LARGE1: variants seen among roughly 807,000 people sequenced by gnomAD.
LARGE1 encodes xylosyl- and glucuronyltransferase LARGE1.
In LARGE1, 43 loss-of-function variants were observed where a neutral mutation model predicts 87.6. That is an observed-to-expected ratio of 0.49 (90% CI 0.38 to 0.63). LARGE1 has a LOEUF of 0.63. Among genes scored for constraint, LARGE1 ranks in the 30% least tolerant of loss-of-function variants. The pLI is 0.00. For missense variants in LARGE1, 802 were observed against 1,000.2 expected (o/e 0.80, Z 2.67); for synonymous variants, 434 against 394.6 (o/e 1.10, Z -1.18).
At chr22:33,072,817 GA>G in the LARGE1 span, among the ~76,000 whole-genome samples, 6 of 152,234 alleles carry the variant, frequency 3.9e-5, no homozygotes, top group Middle Eastern at 3.4e-3. Context: ...GGCATAGCCT[GA>G]AGACCTTTTC....
the LARGE1 span, among the ~76,000 whole-genome samples, chr22:33,115,743 G>A: frequency 6.6e-6 from 1 of 151,408 alleles, no homozygotes; most frequent in Non-Finnish European, 1.5e-5. Context: ...GCTTGAACTG[G>A]GAGGCGGCGG....
chr22:33,556,663 G>T (rs941443592), intron 6 of LARGE1, among the ~76,000 whole-genome samples: 1 of 151,454 alleles, frequency 6.6e-6, no homozygotes, highest in Non-Finnish European at 1.5e-5. Context: ...AGAGGTTAGG[G>T]TTGGTTTCTG....
At chr22:33,437,346 G>A (rs1245818126) in intron 6 of LARGE1, among the ~76,000 whole-genome samples, 2 of 152,128 alleles carry the variant, frequency 1.3e-5, no homozygotes. Context: ...AGAGCCAGAC[G>A]CCTGGGCTCA....
At chr22:33,458,129 T>C (rs941067924) in intron 6 of LARGE1, among the ~76,000 whole-genome samples, 1 of 150,746 alleles carries the variant, frequency 6.6e-6, no homozygotes, top group Non-Finnish European at 1.5e-5. Flanking sequence ...TTTTTTGAGA[T>C]GGAGTCTCAC....
chr22:33,652,443 C>T (rs1569344260), intron 2 of LARGE1, among the ~76,000 whole-genome samples: 2 of 152,118 alleles, frequency 1.3e-5, no homozygotes, highest in Admixed American at 6.5e-5. Flanking sequence ...GCGCTCAAGG[C>T]ATGCTTACTG....
intron 6 of LARGE1, among the ~76,000 whole-genome samples, chr22:33,537,965 A>G (rs2077088931): frequency 6.6e-6 from 1 of 152,152 alleles, no homozygotes. Flanking sequence ...TAGAAAGAGG[A>G]GGACCTGCGA....
At chr22:33,293,913 A>G (rs1182128235) in intron 12 of LARGE1, among the ~76,000 whole-genome samples, 2 of 152,220 alleles carry the variant, frequency 1.3e-5, no homozygotes, top group Non-Finnish European at 2.9e-5. Context: ...CTCACTGTCA[A>G]GTCTAACAGA....
chr22:33,368,821 C>A (rs1384791089), intron 9 of LARGE1, among the ~76,000 whole-genome samples: 1 of 152,078 alleles, frequency 6.6e-6, no homozygotes, highest in Non-Finnish European at 1.5e-5. Flanking sequence ...GTTAAGTGTA[C>A]AACAGCATTA....
At chr22:33,624,456 C>T (rs1359399402) in intron 4 of LARGE1, among the ~76,000 whole-genome samples, 2 of 152,050 alleles carry the variant, frequency 1.3e-5, no homozygotes, top group Non-Finnish European at 2.9e-5. Flanking sequence ...AGAAAAGATG[C>T]TTATGTAAAG....
At chr22:33,148,119 GC>G in the LARGE1 span, among the ~76,000 whole-genome samples, 1 of 152,126 alleles carries the variant, frequency 6.6e-6, no homozygotes, top group African/African-American at 2.4e-5. Flanking sequence ...ACACCCACAT[GC>G]CATGTGATGT....
the LARGE1 span, among the ~76,000 whole-genome samples, chr22:33,127,899 T>C: frequency 1.3e-5 from 2 of 152,346 alleles, no homozygotes; most frequent in East Asian, 3.9e-4. Flanking sequence ...GTTGAGTTTC[T>C]TGGCACTGTA....
chr22:33,086,277 T>C, the LARGE1 span, among the ~76,000 whole-genome samples: 1 of 152,188 alleles, frequency 6.6e-6, no homozygotes, highest in Admixed American at 6.5e-5. Context: ...AAAATTATTC[T>C]TTGGCAGATA....
the LARGE1 span, among the ~76,000 whole-genome samples, chr22:33,120,419 T>C: frequency 2.4e-5 from 3 of 124,354 alleles, no homozygotes; most frequent in African/African-American, 5.6e-5. Context: ...TCCTTCTTTC[T>C]TTCTTTCTCT....
At chr22:33,174,956 G>C (rs1239541528) in intron 11 of LARGE1, among the ~76,000 whole-genome samples, 1 of 152,132 alleles carries the variant, frequency 6.6e-6, no homozygotes, top group African/African-American at 2.4e-5. Context: ...AATAGAAAAA[G>C]AGGGAATCCT....
chr22:33,652,648 T>C (rs2080854629), intron 2 of LARGE1, among the ~76,000 whole-genome samples: 2 of 152,178 alleles, frequency 1.3e-5, no homozygotes, highest in Admixed American at 1.3e-4. Flanking sequence ...ACTTCAAGTT[T>C]TTCCTTCCTG....
At chr22:33,896,736 G>A (rs1243709075) in intron 1 of LARGE1, among the ~76,000 whole-genome samples, 1 of 152,178 alleles carries the variant, frequency 6.6e-6, no homozygotes. Flanking sequence ...TGGTGTGCTT[G>A]ACTTTTGCTG....
intron 6 of LARGE1, among the ~76,000 whole-genome samples, chr22:33,530,820 A>G (rs2072161197): frequency 6.6e-6 from 1 of 152,202 alleles, no homozygotes; most frequent in Non-Finnish European, 1.5e-5. Flanking sequence ...TACATGATGC[A>G]CCCTGGACTC....
At chr22:33,863,933 A>C (rs5999123) in intron 1 of LARGE1, among the ~76,000 whole-genome samples, 31,666 of 152,180 alleles carry the variant, frequency 0.21, 4,087 homozygotes, top group East Asian at 0.33. Context: ...CAAAGTCATT[A>C]TATGGCATCC....
At chr22:33,922,019 T>G (rs1238171516), upstream of LARGE1, among the ~76,000 whole-genome samples, 1 of 151,794 alleles carries the variant, frequency 6.6e-6, no homozygotes, top group East Asian at 2.0e-4. Flanking sequence ...CTCCCGGGTT[T>G]TTCCGCAGCT....
Sources: allele counts gnomAD v4.1 joint callset (sites outside exome capture counted in the v4.1 genomes callset), GRCh38; gene constraint gnomAD v4.1.1; transcripts MANE v1.5; gene names NCBI Gene and HGNC (gene_info 2026-07-23, HGNC 2026-07-21).